The following IGSF21 variants were observed in gnomAD, a reference collection of about 807,000 sequenced individuals.
IGSF21 encodes immunoglobulin superfamily member 21.
In IGSF21, 28 loss-of-function variants were observed where a neutral mutation model predicts 46.8. The ratio of observed to expected loss-of-function variants is 0.60; its 90% CI spans 0.44 to 0.82. The LOEUF is 0.82. Among genes scored for constraint, IGSF21 ranks in the 40% least tolerant of loss-of-function variants. The pLI, the probability that IGSF21 is intolerant of heterozygous loss-of-function variation, is 0.00. For missense variants in IGSF21, 624 were observed against 665.5 expected, an observed-to-expected ratio of 0.94 and a Z score of 0.69; for synonymous variants, 284 against 273.6, an observed-to-expected ratio of 1.04 and a Z score of -0.38.
At chr1:18,203,663 T>C (rs1010501529) in intron 1 of IGSF21, among the ~76,000 whole-genome samples, 5 of 152,130 alleles carry the variant, frequency 3.3e-5, no homozygotes, top group African/African-American at 1.2e-4. Context: ...TATCCTTGAA[T>C]CTGAAGTCAC....
At position 18,258,129 on chromosome 1, in the gene IGSF21, G is replaced by A. The variant is rs138057744; in HGVS notation, c.183+30119G>A. Among the ~76,000 whole-genome samples, 964 of 152,250 alleles carry A rather than the reference G, an allele frequency of 6.3e-3. 11 individuals are homozygous for A. Among genetic ancestry groups the A allele is most frequent in the African/African-American group, 0.021 (870 of 41,540 alleles). ...AGTTGCGCTCCTTGACACTCCCCAAGTTTTTTGGCTGCTTAAGGTGACCCA... is the reference window on the plus strand; with the variant it reads ...AGTTGCGCTCCTTGACACTCCCCAAATTTTTTGGCTGCTTAAGGTGACCCA... On this transcript the variant is annotated intron_variant, in intron 2 of 9. Transcript: ENST00000251296.
intron 2 of IGSF21, among the ~76,000 whole-genome samples, chr1:18,272,796 CACTTA>C (rs1378020188): frequency 3.3e-5 from 5 of 152,324 alleles, no homozygotes; most frequent in Admixed American, 6.5e-5. Flanking sequence ...TTCAAAGATG[CACTTA>C]ACTTTAAAGA....
intron 2 of IGSF21, among the ~76,000 whole-genome samples, chr1:18,250,201 C>T (rs1382447755): frequency 6.7e-6 from 1 of 149,930 alleles, no homozygotes; most frequent in African/African-American, 2.5e-5. Flanking sequence ...ATGTGTATTG[C>T]TTTGTAAATG....
intron 4 of IGSF21, among the ~76,000 whole-genome samples, chr1:18,359,388 AAGGAAGGAAGGAAGG>A (rs2086066162): frequency 4.2e-4 from 33 of 78,382 alleles, no homozygotes; most frequent in East Asian, 7.0e-4. Context: ...GAAAGAAAGG[AAGGAAGGAAGGAAGG>A]AAGGAAGGAA....
intron 1 of IGSF21, among the ~76,000 whole-genome samples, chr1:18,127,780 A>G (rs1262384008): frequency 2.0e-5 from 3 of 151,832 alleles, no homozygotes; most frequent in Non-Finnish European, 1.5e-5. Context: ...ATGGTGGCAC[A>G]CTCCTGTAGT....
At position 18,337,993 on chromosome 1, in the gene IGSF21, G is replaced by A. The variant is rs558585890; in HGVS notation, c.424+2983G>A. Among the ~76,000 whole-genome samples the A allele has an allele frequency of 4.1e-4, 63 of 152,152 alleles. No homozygotes were observed. The highest frequency in any genetic ancestry group is 1.0e-3 in the African/African-American group (42 of 41,490). Reference sequence around the variant, plus strand: ...TGGTGAGGGGAGGGCCGGGGGAGGCGGCGTGGCTGAGTGTTTCTCATACAG... The same window carrying A: ...TGGTGAGGGGAGGGCCGGGGGAGGCAGCGTGGCTGAGTGTTTCTCATACAG... On this transcript the variant is annotated intron_variant, in intron 4 of 9. Coordinates refer to ENST00000251296, the MANE Select transcript of IGSF21 (RefSeq NM_032880.5). The surrounding 1 kb of genome is among the most constrained non-coding windows in gnomAD (Gnocchi z 5.7).
chr1:18,190,388 AAC>A (rs1286484961), intron 1 of IGSF21, among the ~76,000 whole-genome samples: 2 of 152,352 alleles, frequency 1.3e-5, no homozygotes, highest in African/African-American at 4.8e-5. Flanking sequence ...ATGGGAATGG[AAC>A]ACCTAGCCAG....
chr1:18,348,476 C>CTTTT (rs2085917728), intron 4 of IGSF21, among the ~76,000 whole-genome samples: 1 of 152,202 alleles, frequency 6.6e-6, no homozygotes, highest in Admixed American at 6.5e-5. Flanking sequence ...CAGTACGATG[C>CTTTT]TTTATCCTCT....
At chr1:18,217,340 A>G (rs1350213632) in intron 1 of IGSF21, among the ~76,000 whole-genome samples, 1 of 152,180 alleles carries the variant, frequency 6.6e-6, no homozygotes, top group African/African-American at 2.4e-5. Context: ...TTCAGTCTTC[A>G]CTAATTACTT....
intron 1 of IGSF21, among the ~76,000 whole-genome samples, chr1:18,172,993 A>G (rs2086755928): frequency 6.6e-6 from 1 of 152,136 alleles, no homozygotes; most frequent in African/African-American, 2.4e-5. Context: ...TCACATTTTA[A>G]AAAAACAGCT....
chr1:18,287,696 C>A (rs964913660), intron 2 of IGSF21, among the ~76,000 whole-genome samples: 10 of 152,188 alleles, frequency 6.6e-5, no homozygotes, highest in African/African-American at 2.4e-4. Context: ...ATGAGACCTG[C>A]CTGCCTCCAG....
chr1:18,295,403 C>T (rs903237861), intron 3 of IGSF21, among the ~76,000 whole-genome samples: 4 of 152,166 alleles, frequency 2.6e-5, no homozygotes, highest in African/African-American at 7.2e-5. Context: ...GAGAAAAGCA[C>T]GGCTTTGCAA....
intron 3 of IGSF21, among the ~76,000 whole-genome samples, chr1:18,315,475 G>A (rs1048429489): frequency 2.0e-5 from 3 of 152,166 alleles, no homozygotes; most frequent in Admixed American, 2.0e-4. Context: ...TATCTTCCTA[G>A]TAATTACCCC....
At chr1:18,359,383 A>AAAGAAAGAAAGAAAGAAAGG (rs1557659626) in intron 4 of IGSF21, among the ~76,000 whole-genome samples, 14 of 61,076 alleles carry the variant, frequency 2.3e-4, no homozygotes, top group South Asian at 1.9e-3. Context: ...AGAAAGAAAG[A>AAAGAAAGAAAGAAAGAAAGG]AAGGAAGGAA....
At chr1:18,277,096 A>C (rs2085109244) in intron 2 of IGSF21, among the ~76,000 whole-genome samples, 1 of 152,196 alleles carries the variant, frequency 6.6e-6, no homozygotes, top group Non-Finnish European at 1.5e-5. Context: ...GTGGCCTTGA[A>C]TAGATCGCCT....
chr1:18,320,587 C>T (rs766693659), intron 3 of IGSF21, among the ~76,000 whole-genome samples: 3 of 152,220 alleles, frequency 2.0e-5, no homozygotes, highest in Non-Finnish European at 4.4e-5. Context: ...ACCACAGCTT[C>T]GCAAGGAATG....
intron 1 of IGSF21, among the ~76,000 whole-genome samples, chr1:18,188,499 T>C (rs534552820): frequency 3.9e-5 from 6 of 152,072 alleles, no homozygotes; most frequent in Non-Finnish European, 7.4e-5. Context: ...AATATAAATA[T>C]ATGGAGAGGA....
chr1:18,361,860 G>A, intron 4 of IGSF21: 1 of 477,688 alleles, frequency 2.1e-6, no homozygotes, highest in Non-Finnish European at 3.8e-6. Flanking sequence ...ACTTTGATCT[G>A]TGCTATCTCT....
At chr1:18,339,467 C>G (rs892717436) in intron 4 of IGSF21, among the ~76,000 whole-genome samples, 1 of 152,204 alleles carries the variant, frequency 6.6e-6, no homozygotes, top group Non-Finnish European at 1.5e-5. Flanking sequence ...CATGGTGGCT[C>G]ACATGTCTAA....
Sources: gnomAD v4.1 joint callset for allele counts (sites outside exome capture counted in the v4.1 genomes callset) on GRCh38, gnomAD v4.1.1 for gene constraint, Gnocchi (gnomAD v3.1) non-coding constraint, MANE v1.5 for transcripts, NCBI Gene and HGNC (gene_info 2026-07-23, HGNC 2026-07-21) for gene names.